The following KCNH3 variants were observed in gnomAD, a reference collection of about 807,000 sequenced individuals.
KCNH3 encodes the protein potassium voltage-gated channel subfamily H member 3.
Under a neutral mutation model 95.6 loss-of-function variants are expected in KCNH3, and 36 were observed. The ratio of observed to expected loss-of-function variants is 0.38; its 90% CI spans 0.29 to 0.50. The LOEUF (loss-of-function observed/expected upper bound fraction) is 0.50, where lower values mean the gene tolerates loss of function less well. KCNH3 is among the 20% of genes least tolerant of loss of function. The pLI, the probability that KCNH3 is intolerant of heterozygous loss-of-function variation, is 0.95. For missense variants in KCNH3, 1,030 were observed against 1,484.1 expected (o/e 0.69, Z 5.03); for synonymous variants, 620 against 646.3 (o/e 0.96, Z 0.62).
intron 13 of KCNH3, chr12:49,556,838 G>A: frequency 1.6e-6 from 1 of 635,324 alleles, no homozygotes; most frequent in Non-Finnish European, 2.9e-6. Context: ...ATAGAGGGCT[G>A]GGGATCCAGG....
intron 13 of KCNH3, chr12:49,556,748 T>C (rs1391305485): frequency 1.0e-5 from 7 of 680,424 alleles, no homozygotes; most frequent in Non-Finnish European, 1.9e-5. Context: ...CCCAGCTTCC[T>C]GTCTGTAAAA....
In KCNH3 at chr12:49,548,788, C is replaced by T. The variant is rs529729317; in HGVS notation, c.1190-107C>T. 5 of 1,201,772 alleles carry T rather than the reference C, an allele frequency of 4.2e-6. No homozygotes were observed. In the South Asian group the frequency reaches 4.7e-5, roughly 11 times the overall value. 74.4% of individuals were successfully genotyped at this position (1,201,772 alleles called of 1,614,324 possible). The stretch of plus-strand genomic sequence containing the variant: ...GGCTGGCAGTGAAGGGGCAAAGCGG[C>T]GGGAAGCCATGGGGCTGGGTCTGTG... On this transcript the variant is annotated intron_variant, in intron 7 of 14. Transcript: ENST00000257981.
Position 49,557,517 on chromosome 12 carries a change from G to A in KCNH3, c.2816G>A (p.Cys939Tyr). 1 of 1,611,770 alleles carries A rather than the reference G, an allele frequency of 6.2e-7. No homozygotes were observed. Among genetic ancestry groups the A allele is most frequent in the Non-Finnish European group, 8.5e-7 (1 of 1,179,974 alleles). ...ACCTCCGGGCTTCTGCAGCCTCTGT[G>A]TGTGGACACTGGGGCATCCTCCTAC... is the stretch of plus-strand genomic sequence containing the variant. ...ASTSGLLQPL[C>Y]VDTGASSYCL... is the part of the protein sequence containing the mutation. The change falls in exon 15 of 15, where the codon TGT (cysteine) becomes TAT (tyrosine). Residue 939 changes from cysteine to tyrosine, a missense_variant. Physicochemically the swap from Cys to Tyr is radical, Grantham distance 194. Around this residue, in one of 9 missense-constraint regions of KCNH3, gnomAD observed 464 missense variants for 493.2 expected, o/e 0.94. Coordinates refer to ENST00000257981, the MANE Select transcript of KCNH3 (RefSeq NM_012284.3).
chr12:49,557,561 G>C lies in KCNH3; in HGVS notation c.2860G>C (p.Gly954Arg). Residue 954 changes from glycine (G) to arginine (R), a missense_variant, in exon 15 of 15, where the codon GGC becomes CGC. Coordinates refer to ENST00000257981, the MANE Select transcript of KCNH3 (RefSeq NM_012284.3). Reference protein sequence around the residue: ...ASSYCLQPPAGSVLSGTWPHP... With the variant: ...ASSYCLQPPARSVLSGTWPHP... ...CTCCTACTGCCTGCAGCCCCCAGCT[G>C]GCTCTGTCTTGAGTGGGACTTGGCC... 6.2e-7 allele frequency: 1 copy of C among 1,612,338 alleles called. No homozygotes were observed. The highest frequency in any genetic ancestry group is 8.5e-7 in the Non-Finnish European group (1 of 1,179,966).
intron 10 of KCNH3, among the ~76,000 whole-genome samples, chr12:49,553,207 C>T (rs1938323324): frequency 6.6e-6 from 1 of 150,660 alleles, no homozygotes; most frequent in Admixed American, 6.6e-5. Context: ...GTGATCTCGG[C>T]TCACTGCAGC....
chr12:49,542,574 C>T (rs1937906627), intron 3 of KCNH3, 132 bp from the exon 4 acceptor site: 3 of 1,108,434 alleles, frequency 2.7e-6, no homozygotes, highest in East Asian at 5.2e-5. Context: ...CCTGAGCCCC[C>T]AACTCTAAAC....
In KCNH3 at chr12:49,556,480, C is replaced by A; in HGVS notation, c.2575+4C>A. On this transcript the variant is annotated splice_donor_region_variant and intron_variant, in intron 13 of 14. Transcript: ENST00000257981. ...AGCAGCCCCTCCCCTGGACCAGGTA[C>A]CAGGGCCCCGGGATGGTCTAGGTTG... 1 of 1,608,366 alleles carries A rather than the reference C, an allele frequency of 6.2e-7. No individual in the cohort carries two copies. Among genetic ancestry groups the A allele is most frequent in the Non-Finnish European group, 8.5e-7 (1 of 1,174,924 alleles).
chr12:49,557,110 C>G, intron 13 of KCNH3, 73 bp from the exon 14 acceptor site: 1 of 1,423,772 alleles, frequency 7.0e-7, no homozygotes, highest in African/African-American at 1.4e-5. Context: ...CTAACTGGGG[C>G]AAGGCCTAGA....
intron 5 of KCNH3, 60 bp downstream of exon 5, chr12:49,543,578 G>A (rs1309217248): frequency 1.3e-6 from 2 of 1,562,228 alleles, no homozygotes; most frequent in African/African-American, 1.3e-5. Flanking sequence ...CTTTGCTGGG[G>A]ATAGTCCACG....
intron 10 of KCNH3, among the ~76,000 whole-genome samples, chr12:49,553,675 G>A (rs1938337364): frequency 6.6e-6 from 1 of 152,208 alleles, no homozygotes; most frequent in South Asian, 2.1e-4. Flanking sequence ...CTGTCAGCCA[G>A]GTGGCAGTCT....
intron 13 of KCNH3, 111 bp from the exon 14 acceptor site, chr12:49,557,072 G>C: frequency 9.6e-7 from 1 of 1,038,244 alleles, no homozygotes; most frequent in Non-Finnish European, 1.5e-6. Flanking sequence ...ATGATCCTAG[G>C]AGTCAGGTCC....
intron 5 of KCNH3, 70 bp downstream of exon 5, chr12:49,543,588 G>T: frequency 6.4e-7 from 1 of 1,551,388 alleles, no homozygotes. Context: ...GATAGTCCAC[G>T]TGGCTTCCAG....
chr12:49,547,307 C>T (rs1254249129), intron 7 of KCNH3, among the ~76,000 whole-genome samples: 4 of 152,232 alleles, frequency 2.6e-5, no homozygotes, highest in Non-Finnish European at 5.9e-5. Flanking sequence ...GTAATGCCCT[C>T]AGTGTTAACC....
intron 7 of KCNH3, 30 bp downstream of exon 7, chr12:49,544,412 G>T: frequency 6.2e-7 from 1 of 1,601,580 alleles, no homozygotes; most frequent in Non-Finnish European, 8.5e-7. Context: ...CATGTGGTGG[G>T]GAGGGAGTTG....
chr12:49,553,316 T>C (rs551657332), intron 10 of KCNH3, among the ~76,000 whole-genome samples: 68 of 151,972 alleles, frequency 4.5e-4, no homozygotes, highest in East Asian at 1.5e-3. Context: ...TTTGCTGCTG[T>C]TGTTGTTGTT....
rs530843399 is a variant in KCNH3 at position 49,540,669 on chromosome 12, C to T, written c.77-230C>T. Among the ~76,000 whole-genome samples the T allele has an allele frequency of 7.2e-5, 11 of 152,342 alleles. No homozygotes were observed. In the South Asian group the frequency reaches 8.3e-4, roughly 11 times the overall value. The stretch of plus-strand genomic sequence containing the variant: ...AGTGCCCGCACAGCGCTTCATTCAC[C>T]GACCTCAGTTCACATGTGCTGATCC... On this transcript the variant is annotated intron_variant, in intron 1 of 14. Transcript: ENST00000257981.
chr12:49,556,812 C>T (rs1487357735), intron 13 of KCNH3: 5 of 646,566 alleles, frequency 7.7e-6, no homozygotes, highest in Non-Finnish European at 1.1e-5. Context: ...AGCCCAATCT[C>T]TGGCTAACTG....
At chr12:49,540,158 G>A (rs1040160151) in intron 1 of KCNH3, among the ~76,000 whole-genome samples, 12 of 152,146 alleles carry the variant, frequency 7.9e-5, no homozygotes, top group Admixed American at 5.2e-4. Context: ...CACATCCCCC[G>A]TGGGGCTTCC....
chr12:49,544,133 C>A, intron 6 of KCNH3, 42 bp from the exon 7 acceptor site: 1 of 1,598,380 alleles, frequency 6.3e-7, no homozygotes, highest in Non-Finnish European at 8.5e-7. Flanking sequence ...AGGGCCGGCC[C>A]GCTGACCTCC....
Sources: gnomAD v4.1 joint callset for allele counts (sites outside exome capture counted in the v4.1 genomes callset) on GRCh38, gnomAD v4.1.1 for gene constraint, gnomAD v4.1.1 regional missense constraint, MANE v1.5 for transcripts, NCBI Gene and HGNC (gene_info 2026-07-23, HGNC 2026-07-21) for gene names.